Variants in PARVB observed in about 807,000 individuals in gnomAD.
The protein encoded by PARVB is beta-parvin.
PARVB carries 46 observed loss-of-function variants against 47.0 expected under a neutral mutation model. That is an observed-to-expected ratio of 0.98 (90% CI 0.77 to 1.25). The LOEUF is 1.25. Ranked by LOEUF, PARVB falls within the 50% of genes most tolerant of loss-of-function variation. The pLI, the probability that PARVB is intolerant of heterozygous loss-of-function variation, is 0.00. For missense variants in PARVB, 473 were observed against 471.6 expected (o/e 1.00, Z -0.03); for synonymous variants, 196 against 196.3 (o/e 1.00, Z 0.01).
intron 3 of PARVB, chr22:44,114,213 G>A (rs2052795425): frequency 8.0e-6 from 1 of 124,622 alleles, no homozygotes. Context: ...CAGATACATT[G>A]TTACTAAGTA....
At chr22:44,152,826 A>G (rs2053839865) in intron 10 of PARVB, 1 of 152,166 alleles carries the variant, frequency 6.6e-6, no homozygotes, top group Non-Finnish European at 1.5e-5. Flanking sequence ...TGCACAGCTG[A>G]TCCTTCTTAA....
At chr22:44,024,216 C>G, upstream of PARVB, 4 of 355,586 alleles carry the variant, frequency 1.1e-5, no homozygotes, top group Non-Finnish European at 1.6e-5. Context: ...GGCCGCGCTC[C>G]AGGCCAGGGG....
At chr22:44,167,538 C>A (rs1457868263) in intron 12 of PARVB, among the ~76,000 whole-genome samples, 2 of 152,110 alleles carry the variant, frequency 1.3e-5, no homozygotes, top group Non-Finnish European at 2.9e-5. Flanking sequence ...TGATGGCCCC[C>A]ACCCCTGGGA....
At chr22:44,029,862 A>G (rs1170024669) in intron 1 of PARVB, among the ~76,000 whole-genome samples, 1 of 152,148 alleles carries the variant, frequency 6.6e-6, no homozygotes, top group Non-Finnish European at 1.5e-5. Context: ...GTGAGCTGAG[A>G]TCGCGCCACT....
At chr22:43,999,487 T>A (rs2050388850) in intron 1 of PARVB, 2 of 1,549,960 alleles carry the variant, frequency 1.3e-6, no homozygotes, top group Non-Finnish European at 1.8e-6. Flanking sequence ...TAGCTTCTCT[T>A]GAGAAACTGG....
At chr22:44,148,109 C>T in intron 9 of PARVB, 187 bp downstream of exon 9, 1 of 612,004 alleles carries the variant, frequency 1.6e-6, no homozygotes, top group Non-Finnish European at 3.0e-6. Flanking sequence ...TTTAACTCAA[C>T]CTCGCTGCTC....
At chr22:44,112,320 G>T (rs76393758) in intron 3 of PARVB, 40,933 of 151,662 alleles carry the variant, frequency 0.27, 5,576 homozygotes, top group East Asian at 0.41. Context: ...CTCTTGGTCT[G>T]GGGGGAATAC....
At chr22:44,039,278 C>T (rs749112886) in intron 1 of PARVB, among the ~76,000 whole-genome samples, 79 of 152,192 alleles carry the variant, frequency 5.2e-4, no homozygotes, top group Admixed American at 1.4e-3. Context: ...TGGCTGAGCA[C>T]GGTGGCTCAT....
intron 1 of PARVB, among the ~76,000 whole-genome samples, chr22:44,051,471 T>C (rs1304786651): frequency 6.6e-6 from 1 of 151,870 alleles, no homozygotes; most frequent in Non-Finnish European, 1.5e-5. Context: ...GACAAGCAGG[T>C]GATAGTGTTG....
intron 1 of PARVB, among the ~76,000 whole-genome samples, chr22:44,087,661 A>G (rs1365173551): frequency 6.6e-6 from 1 of 152,132 alleles, no homozygotes; most frequent in Non-Finnish European, 1.5e-5. Flanking sequence ...TTTTTGGGAA[A>G]GAGCCTGGGC....
intron 1 of PARVB, among the ~76,000 whole-genome samples, chr22:44,043,593 G>T (rs909969202): frequency 6.6e-6 from 1 of 152,092 alleles, no homozygotes; most frequent in Non-Finnish European, 1.5e-5. Context: ...TGGCCAGGAT[G>T]GTCTCAATCT....
intron 4 of PARVB, among the ~76,000 whole-genome samples, chr22:44,128,652 C>T (rs527765059): frequency 1.4e-4 from 22 of 152,244 alleles, no homozygotes; most frequent in Non-Finnish European, 2.8e-4. Context: ...TTAACTGCCT[C>T]TTTAAATACA....
At chr22:44,071,039 G>A (rs2051643309) in intron 1 of PARVB, among the ~76,000 whole-genome samples, 1 of 152,190 alleles carries the variant, frequency 6.6e-6, no homozygotes, top group Non-Finnish European at 1.5e-5. Context: ...ACTGTGAAAG[G>A]GGTCCTGGAG....
chr22:44,003,400 A>T (rs531653430), intron 2 of PARVB, among the ~76,000 whole-genome samples: 4 of 152,190 alleles, frequency 2.6e-5, no homozygotes, highest in Admixed American at 6.5e-5. Flanking sequence ...ATGAAAGGTG[A>T]CATCTTGACT....
chr22:44,167,797 C>T (rs1166306062), intron 12 of PARVB, among the ~76,000 whole-genome samples: 1 of 152,154 alleles, frequency 6.6e-6, no homozygotes, highest in Non-Finnish European at 1.5e-5. Flanking sequence ...TCTGACAGCA[C>T]ACTCGTGGGC....
chr22:44,164,416 C>CG (rs71674584), intron 12 of PARVB, among the ~76,000 whole-genome samples: 3,800 of 127,864 alleles, frequency 0.03, 156 homozygotes, highest in African/African-American at 0.089. Flanking sequence ...CTGTCCCCCC[C>CG]CCGGCTCCTG....
intron 6 of PARVB, among the ~76,000 whole-genome samples, chr22:44,134,322 G>A (rs1309892569): frequency 6.6e-6 from 1 of 152,194 alleles, no homozygotes; most frequent in Non-Finnish European, 1.5e-5. Flanking sequence ...CTATGGCCCC[G>A]TGTCTTGGCC....
At position 44,102,035 on chromosome 22, in the gene PARVB, G is replaced by A. The variant is rs534256132; in HGVS notation, c.273+1912G>A. On this transcript the variant is annotated intron_variant, in intron 3 of 12. Transcript: ENST00000338758. Reference sequence around the variant, plus strand: ...TAGAGAGAGGTTTATTATGATATTGGCTCACTTGACTACGGAGGCTGAGAA... The same window carrying A: ...TAGAGAGAGGTTTATTATGATATTGACTCACTTGACTACGGAGGCTGAGAA... 3.3e-5 allele frequency among the ~76,000 whole-genome samples: 5 copies of A among 152,230 alleles called. No individual in the cohort carries two copies. The South Asian group carries it at 1.0e-3, about 32-fold the overall frequency.
At chr22:44,091,820 A>G (rs186060130) in intron 1 of PARVB, among the ~76,000 whole-genome samples, 119 of 152,216 alleles carry the variant, frequency 7.8e-4, no homozygotes, top group African/African-American at 2.7e-3. Flanking sequence ...AGGCTCTGAT[A>G]CTCCTGCATC....
Sources: allele counts gnomAD v4.1 joint callset (sites outside exome capture counted in the v4.1 genomes callset), GRCh38; gene constraint gnomAD v4.1.1; transcripts MANE v1.5; gene names NCBI Gene and HGNC (gene_info 2026-07-23, HGNC 2026-07-21).